The following DGKB variants were observed in gnomAD, a reference collection of about 807,000 sequenced individuals.
DGKB encodes diacylglycerol kinase beta, also known as 90 kDa diacylglycerol kinase.
DGKB carries 67 observed loss-of-function variants against 114.3 expected under a neutral mutation model. The observed-to-expected ratio is 0.59, with a 90% CI of 0.48 to 0.72. The LOEUF (loss-of-function observed/expected upper bound fraction) is 0.72. Ranked by LOEUF, DGKB falls within the 30% of genes least tolerant of loss-of-function variation. DGKB has a pLI of 0.00. For synonymous variants in DGKB, 398 were observed against 323.1 expected, an observed-to-expected ratio of 1.23 and a Z score of -2.49; for missense variants, 907 against 975.2, an observed-to-expected ratio of 0.93 and a Z score of 0.93.
At chr7:14,300,920 A>G (rs937243057) in intron 23 of DGKB, among the ~76,000 whole-genome samples, 3 of 152,118 alleles carry the variant, frequency 2.0e-5, no homozygotes, top group Non-Finnish European at 1.5e-5. Flanking sequence ...TCAGTCAAAG[A>G]TGACATTTGT....
At chr7:14,384,042 G>A (rs1271565360) in intron 21 of DGKB, among the ~76,000 whole-genome samples, 7 of 152,116 alleles carry the variant, frequency 4.6e-5, no homozygotes, top group East Asian at 3.9e-4. Flanking sequence ...GGTATGTACC[G>A]CCTAGCATTC....
intron 2 of DGKB, among the ~76,000 whole-genome samples, chr7:14,812,250 A>G (rs1305164113): frequency 6.6e-6 from 1 of 152,106 alleles, no homozygotes; most frequent in African/African-American, 2.4e-5. Context: ...CTTTGAACAT[A>G]ATTTCCAAAT....
chr7:14,750,121 A>G (rs1224083690), intron 4 of DGKB: 1 of 518,384 alleles, frequency 1.9e-6, no homozygotes, highest in African/African-American at 1.9e-5. Flanking sequence ...AAGGCTCAGA[A>G]AAGTTCCTTA....
intron 20 of DGKB, among the ~76,000 whole-genome samples, chr7:14,566,896 G>A (rs1797465276): frequency 6.6e-6 from 1 of 151,190 alleles, no homozygotes; most frequent in Non-Finnish European, 1.5e-5. Context: ...CTTTATATAA[G>A]CCTTTCCTGA....
At chr7:14,825,016 G>GTGTGTATATATA (rs1480765381) in intron 2 of DGKB, among the ~76,000 whole-genome samples, 4 of 92,378 alleles carry the variant, frequency 4.3e-5, no homozygotes, top group African/African-American at 1.0e-4. Context: ...GTATGTGTAT[G>GTGTGTATATATA]TATATATATA....
intron 1 of DGKB, among the ~76,000 whole-genome samples, chr7:14,892,257 G>A (rs938627728): frequency 6.6e-6 from 1 of 151,184 alleles, no homozygotes; most frequent in Non-Finnish European, 1.5e-5. Flanking sequence ...AATGCCCAGT[G>A]GATAACGTGG....
chr7:14,919,095 A>AAACACACACACACACACACACAC (rs1784392701), intron 1 of DGKB, among the ~76,000 whole-genome samples: 10 of 114,970 alleles, frequency 8.7e-5, no homozygotes, highest in African/African-American at 3.2e-4. Flanking sequence ...CACACACACA[A>AAACACACACACACACACACACAC]ACACACACAC....
chr7:14,519,415 T>G (rs889019904), intron 20 of DGKB, among the ~76,000 whole-genome samples: 4 of 152,112 alleles, frequency 2.6e-5, no homozygotes, highest in South Asian at 4.1e-4. Flanking sequence ...TTATAGCACA[T>G]AGCAATATTT....
rs537269154 is a variant in DGKB, at chr7:14,187,160, G to C, written c.2123-9009C>G. Among the ~76,000 whole-genome samples the C allele has an allele frequency of 7.2e-5, 11 of 152,270 alleles. No homozygotes were observed. The East Asian group carries it at 2.1e-3, about 29-fold the overall frequency. On this transcript the variant is annotated intron_variant, in intron 23 of 25. Coordinates refer to ENST00000402815, the MANE Select transcript of DGKB (RefSeq NM_001350709.2). ...TCAAATGTAATCACAAAATTAAAATGAAGTACAAAGCTCCCATTTATAATA... is the reference window on the plus strand; with the variant it reads ...TCAAATGTAATCACAAAATTAAAATCAAGTACAAAGCTCCCATTTATAATA...
At chr7:14,601,741 C>T (rs909138800) in intron 17 of DGKB, among the ~76,000 whole-genome samples, 4 of 152,156 alleles carry the variant, frequency 2.6e-5, no homozygotes, top group African/African-American at 9.7e-5. Flanking sequence ...GGATACAATT[C>T]GACAAAGTTC....
chr7:14,234,476 G>T (rs886841235), intron 23 of DGKB, among the ~76,000 whole-genome samples: 2 of 152,006 alleles, frequency 1.3e-5, no homozygotes, highest in African/African-American at 4.8e-5. Flanking sequence ...AATGCTAAGT[G>T]AAATATTTGT....
At chr7:14,875,450 T>G (rs1853131625) in intron 1 of DGKB, among the ~76,000 whole-genome samples, 1 of 152,168 alleles carries the variant, frequency 6.6e-6, no homozygotes, top group Non-Finnish European at 1.5e-5. Context: ...AACACTATAA[T>G]CTGAAATATA....
At chr7:14,307,905 T>C (rs967325024) in intron 23 of DGKB, among the ~76,000 whole-genome samples, 1 of 152,122 alleles carries the variant, frequency 6.6e-6, no homozygotes, top group Non-Finnish European at 1.5e-5. Context: ...AGCTCACATG[T>C]GTCAATGAAT....
chr7:14,149,277 G>C, intron 25 of DGKB, 39 bp from the exon 26 acceptor site: 1 of 1,454,172 alleles, frequency 6.9e-7, no homozygotes. Flanking sequence ...AAAGAATAGA[G>C]TAATCTCCAG....
chr7:14,332,383 C>G (rs1809886991), intron 23 of DGKB, among the ~76,000 whole-genome samples: 1 of 151,770 alleles, frequency 6.6e-6, no homozygotes, highest in African/African-American at 2.4e-5. Context: ...AACACTATGC[C>G]GCCTTCGTGG....
In DGKB at chr7:14,636,380, C is replaced by CA. The variant is rs1810756747; in HGVS notation, c.1135-6113dup. Among the ~76,000 whole-genome samples the CA allele has an allele frequency of 3.3e-5, 5 of 151,844 alleles. No individual in the cohort carries two copies. The South Asian group carries it at 1.0e-3, about 31-fold the overall frequency. Reference sequence around the variant, plus strand: ...AAGTCTCAATGTACACTTATTCAATCAGTGTGAATTAATTAAAATGTTACT... The same window carrying CA: ...AAGTCTCAATGTACACTTATTCAATCAAGTGTGAATTAATTAAAATGTTACT... On this transcript the variant is annotated intron_variant, in intron 13 of 25. Transcript: ENST00000402815.
intron 13 of DGKB, among the ~76,000 whole-genome samples, chr7:14,650,267 G>A (rs1298747600): frequency 8.1e-5 from 6 of 74,360 alleles, no homozygotes; most frequent in African/African-American, 3.0e-4. Context: ...CTCAGCAAAT[G>A]TAAAAGAACA....
intron 12 of DGKB, among the ~76,000 whole-genome samples, chr7:14,677,154 G>T (rs1820009700): frequency 6.6e-6 from 1 of 152,020 alleles, no homozygotes; most frequent in South Asian, 2.1e-4. Flanking sequence ...AAGAAAGTGT[G>T]TGGATGTCTG....
rs62445573 is a variant in DGKB, at chr7:14,212,440, A to C, written c.2123-34289T>G. On this transcript the variant is annotated intron_variant, in intron 23 of 25. Transcript: ENST00000402815. ...CTCGTGTTTTGTGATATTTACTCTC[A>C]TGTTTTGTGTTCCTCTACATCTCTG... is the stretch of plus-strand genomic sequence containing the variant. Among the ~76,000 whole-genome samples the C allele has an allele frequency of 1.9e-4, 20 of 107,310 alleles. 2 individuals carry two copies. The highest frequency in any genetic ancestry group is 1.8e-3 in the East Asian group (9 of 4,938). The allele number at this position is 107,310 out of a possible 152,430, so 70.4% of individuals were successfully genotyped here.
Sources: allele counts gnomAD v4.1 joint callset (sites outside exome capture counted in the v4.1 genomes callset), GRCh38; gene constraint gnomAD v4.1.1; transcripts MANE v1.5; gene names NCBI Gene and HGNC (gene_info 2026-07-23, HGNC 2026-07-21).